NAALADL2: variants seen among roughly 807,000 people sequenced by gnomAD.
NAALADL2 encodes inactive N-acetylated-alpha-linked acidic dipeptidase-like protein 2.
In NAALADL2, 76 loss-of-function variants were observed where a neutral mutation model predicts 87.2. The observed-to-expected ratio is 0.87, with a 90% CI of 0.72 to 1.05. NAALADL2 has a LOEUF of 1.05. Among genes scored for constraint, NAALADL2 ranks in the 50% least tolerant of loss-of-function variants. NAALADL2 has a pLI of 0.00. For missense variants in NAALADL2, 1,089 were observed against 945.8 expected, an observed-to-expected ratio of 1.15 and a Z score of -1.99; for synonymous variants, 354 against 331.0, an observed-to-expected ratio of 1.07 and a Z score of -0.75.
intron 3 of NAALADL2, among the ~76,000 whole-genome samples, chr3:175,246,317 T>C (rs1026212602): frequency 3.9e-5 from 6 of 152,172 alleles, no homozygotes; most frequent in African/African-American, 7.2e-5. Context: ...GATAGTATTG[T>C]AGTTTGTCAT....
intron 7 of NAALADL2, among the ~76,000 whole-genome samples, chr3:175,466,037 C>A (rs1723966209): frequency 6.6e-6 from 1 of 152,124 alleles, no homozygotes; most frequent in African/African-American, 2.4e-5. Flanking sequence ...AATACTAAGG[C>A]ATCGAAAGTT....
At chr3:174,655,737 T>C (rs948016802) in intron 2 of NAALADL2, among the ~76,000 whole-genome samples, 7 of 152,202 alleles carry the variant, frequency 4.6e-5, no homozygotes, top group Non-Finnish European at 1.0e-4. Flanking sequence ...GTGACTTTCT[T>C]TATATTAAAA....
intron 12 of NAALADL2, among the ~76,000 whole-genome samples, chr3:175,754,369 G>T (rs1016008541): frequency 1.3e-5 from 2 of 152,132 alleles, no homozygotes; most frequent in African/African-American, 4.8e-5. Context: ...TTAGTCAAAG[G>T]TATGTCCTGT....
At chr3:174,892,453 C>T (rs1730971177) in intron 1 of NAALADL2, among the ~76,000 whole-genome samples, 1 of 151,000 alleles carries the variant, frequency 6.6e-6, no homozygotes, top group Non-Finnish European at 1.5e-5. Flanking sequence ...AACAAACAAA[C>T]AAAAAAGACA....
chr3:175,361,625 G>A (rs1765022077), intron 5 of NAALADL2, among the ~76,000 whole-genome samples: 1 of 148,458 alleles, frequency 6.7e-6, no homozygotes, highest in Admixed American at 6.9e-5. Context: ...CAGTGATGAT[G>A]AGCATTTTTT....
chr3:175,506,277 T>C (rs1442385175), intron 9 of NAALADL2, among the ~76,000 whole-genome samples: 21 of 152,244 alleles, frequency 1.4e-4, no homozygotes. Flanking sequence ...TCTGACTTTA[T>C]TGCACTACAC....
chr3:174,772,769 G>A (rs1452001405), intron 3 of NAALADL2, among the ~76,000 whole-genome samples: 1 of 152,084 alleles, frequency 6.6e-6, no homozygotes, highest in African/African-American at 2.4e-5. Flanking sequence ...ACACAAGAGA[G>A]GAACCCATGA....
intron 1 of NAALADL2, among the ~76,000 whole-genome samples, chr3:174,504,033 A>G (rs1275694511): frequency 6.6e-6 from 1 of 152,112 alleles, no homozygotes; most frequent in African/African-American, 2.4e-5. Context: ...AGTTAAAACA[A>G]AATGTTACTA....
intron 2 of NAALADL2, among the ~76,000 whole-genome samples, chr3:175,171,019 A>G (rs1734727780): frequency 1.3e-5 from 2 of 151,972 alleles, no homozygotes; most frequent in Admixed American, 1.3e-4. Context: ...TCTAGTTTCC[A>G]TAAGGAATAT....
chr3:175,749,422 G>A (rs1255902132), intron 12 of NAALADL2, among the ~76,000 whole-genome samples: 1 of 152,166 alleles, frequency 6.6e-6, no homozygotes, highest in African/African-American at 2.4e-5. Flanking sequence ...CACTGTTCTG[G>A]AGGTTTGGAA....
At chr3:175,466,743 G>A (rs1406296086) in intron 7 of NAALADL2, among the ~76,000 whole-genome samples, 1 of 152,130 alleles carries the variant, frequency 6.6e-6, no homozygotes, top group African/African-American at 2.4e-5. Flanking sequence ...TGTTCTAAAG[G>A]AGAGTAATAT....
At chr3:175,269,423 T>TGTAA (rs1752462423) in intron 4 of NAALADL2, among the ~76,000 whole-genome samples, 1 of 152,238 alleles carries the variant, frequency 6.6e-6, no homozygotes, top group African/African-American at 2.4e-5. Context: ...ACCACAAACA[T>TGTAA]GTAAGTAATA....
chr3:174,875,308 TAAAA>T lies in NAALADL2; in HGVS notation c.43+15861_43+15864del, dbSNP rs774266766. ...ATTATTTATTTATTTTCAAAAATGA[TAAAA>T]AAGCAGGAGTGAAAAGAGTAGACTT... On this transcript the variant is annotated intron_variant, in intron 1 of 13. Transcript: ENST00000454872. Among the ~76,000 whole-genome samples, 8 of 152,066 alleles carry T rather than the reference TAAAA, an allele frequency of 5.3e-5. No homozygotes were observed. In the East Asian group the frequency reaches 7.7e-4, roughly 15 times the overall value.
intron 5 of NAALADL2, among the ~76,000 whole-genome samples, chr3:175,337,607 T>C (rs929381355): frequency 6.6e-6 from 1 of 152,144 alleles, no homozygotes; most frequent in Non-Finnish European, 1.5e-5. Context: ...AATACCTTCA[T>C]CTTGAACTTA....
At chr3:175,630,668 C>A (rs1023176815) in intron 11 of NAALADL2, among the ~76,000 whole-genome samples, 20 of 151,394 alleles carry the variant, frequency 1.3e-4, no homozygotes, top group Admixed American at 1.3e-3. Flanking sequence ...AGAGTTGAGG[C>A]CTTTAGAATA....
At chr3:174,793,585 A>G (rs758274652) in intron 3 of NAALADL2, among the ~76,000 whole-genome samples, 3 of 152,070 alleles carry the variant, frequency 2.0e-5, no homozygotes, top group Non-Finnish European at 2.9e-5. Flanking sequence ...TTCTGAATGA[A>G]CCTACTCCCA....
At chr3:175,403,858 C>A (rs924944441) in intron 5 of NAALADL2, among the ~76,000 whole-genome samples, 4 of 151,974 alleles carry the variant, frequency 2.6e-5, no homozygotes, top group African/African-American at 9.7e-5. Flanking sequence ...GATGCCACAT[C>A]CTATGAGTTC....
chr3:174,687,429 G>A (rs1728152284), intron 2 of NAALADL2, among the ~76,000 whole-genome samples: 1 of 151,906 alleles, frequency 6.6e-6, no homozygotes, highest in African/African-American at 2.4e-5. Context: ...TTTATTATTT[G>A]TAATGTGTGT....
chr3:175,802,110 T>C (rs1321187795), intron 13 of NAALADL2, among the ~76,000 whole-genome samples: 1 of 151,484 alleles, frequency 6.6e-6, no homozygotes, highest in Non-Finnish European at 1.5e-5. Flanking sequence ...ATTCCAGACA[T>C]AATAACATTT....
Sources: gnomAD v4.1 joint callset for allele counts (sites outside exome capture counted in the v4.1 genomes callset) on GRCh38, gnomAD v4.1.1 for gene constraint, MANE v1.5 for transcripts, NCBI Gene and HGNC (gene_info 2026-07-23, HGNC 2026-07-21) for gene names.